Variants in NXN observed in about 807,000 individuals in gnomAD.
The protein encoded by NXN is nucleoredoxin 1.
Under a neutral mutation model 48.6 loss-of-function variants are expected in NXN, and 16 were observed. The observed-to-expected ratio is 0.33, with a 90% CI of 0.22 to 0.50. The LOEUF (loss-of-function observed/expected upper bound fraction) is 0.50, where lower values mean the gene tolerates loss of function less well. Among genes scored for constraint, NXN ranks in the 20% least tolerant of loss-of-function variants. The pLI is 0.98. For synonymous variants in NXN, 281 were observed against 269.6 expected (o/e 1.04, Z -0.41); for missense variants, 492 against 605.5 (o/e 0.81, Z 1.97).
chr17:831,448 TATTTATTC>T (rs1438137098), intron 1 of NXN, among the ~76,000 whole-genome samples: 5 of 122,868 alleles, frequency 4.1e-5, no homozygotes, highest in Non-Finnish European at 6.7e-5. Flanking sequence ...GGGCCGACTT[TATTTATTC>T]ATTTATTTAT....
chr17:826,239 G>A (rs1048791058), intron 1 of NXN, among the ~76,000 whole-genome samples, 161 bp from the exon 2 acceptor site: 3 of 152,036 alleles, frequency 2.0e-5, no homozygotes, highest in Non-Finnish European at 4.4e-5. Context: ...AAAGGGGCAC[G>A]TTAACTACAA....
At chr17:885,720 C>A (rs1356104973) in intron 1 of NXN, among the ~76,000 whole-genome samples, 2 of 133,082 alleles carry the variant, frequency 1.5e-5, no homozygotes, top group South Asian at 2.6e-4. Context: ...TCGCTCTGTC[C>A]CCCAGGCTGG....
At chr17:823,513 G>T (rs578084068) in intron 3 of NXN, 119 bp downstream of exon 3, 1 of 1,144,256 alleles carries the variant, frequency 8.7e-7, no homozygotes, top group Non-Finnish European at 1.2e-6. Context: ...ACAGGAGAAG[G>T]CCAGAAGGCC....
intron 1 of NXN, among the ~76,000 whole-genome samples, chr17:909,453 C>T (rs9893779): frequency 0.18 from 27,568 of 151,698 alleles, 2,643 homozygotes; most frequent in Middle Eastern, 0.27. Flanking sequence ...CCACCGAAAA[C>T]CTGTTCTGAC....
At chr17:865,847 G>A (rs946457156) in intron 1 of NXN, among the ~76,000 whole-genome samples, 1 of 152,066 alleles carries the variant, frequency 6.6e-6, no homozygotes, top group Non-Finnish European at 1.5e-5. Flanking sequence ...GCCGAGCGTG[G>A]TAGCACATGC....
intron 5 of NXN, among the ~76,000 whole-genome samples, chr17:810,908 A>C (rs778636365): frequency 6.6e-6 from 1 of 152,194 alleles, no homozygotes; most frequent in Non-Finnish European, 1.5e-5. Context: ...AAATTAGACA[A>C]AACACATAAA....
chr17:810,996 T>G (rs535395532), intron 5 of NXN, among the ~76,000 whole-genome samples: 1 of 152,176 alleles, frequency 6.6e-6, no homozygotes, highest in Non-Finnish European at 1.5e-5. Context: ...AAATGTTTCA[T>G]TTTTATATAA....
intron 1 of NXN, among the ~76,000 whole-genome samples, chr17:904,096 T>A (rs561148717): frequency 6.6e-6 from 1 of 152,216 alleles, no homozygotes; most frequent in Non-Finnish European, 1.5e-5. Flanking sequence ...CATGTAGAAT[T>A]CCTGCCAAGA....
chr17:942,347 T>C (rs376069611), intron 1 of NXN, among the ~76,000 whole-genome samples: 115 of 21,318 alleles, frequency 5.4e-3, no homozygotes, highest in African/African-American at 0.016. Flanking sequence ...GATTCCAGGG[T>C]GCAGCCATGA....
chr17:862,179 G>A (rs1287330814), intron 1 of NXN, among the ~76,000 whole-genome samples: 2 of 152,086 alleles, frequency 1.3e-5, no homozygotes, highest in African/African-American at 4.8e-5. Flanking sequence ...TGTAGAAGGA[G>A]TGACAATTTA....
chr17:826,106 G>A (rs1401112555), intron 1 of NXN, 28 bp from the exon 2 acceptor site: 10 of 1,477,152 alleles, frequency 6.8e-6, no homozygotes, highest in Non-Finnish European at 7.6e-6. Flanking sequence ...AAAGAAGGTG[G>A]TTAAGTCCAA....
chr17:950,318 T>C (rs2069094746), intron 1 of NXN, among the ~76,000 whole-genome samples: 2 of 151,464 alleles, frequency 1.3e-5, no homozygotes, highest in African/African-American at 4.9e-5. Flanking sequence ...GGGAAGGGAG[T>C]GGGTACAGAG....
At chr17:860,602 C>G (rs2068030627) in intron 1 of NXN, among the ~76,000 whole-genome samples, 1 of 149,928 alleles carries the variant, frequency 6.7e-6, no homozygotes, top group Non-Finnish European at 1.5e-5. Flanking sequence ...CCATCCTGGC[C>G]AGGCTGGTCT....
intron 6 of NXN, among the ~76,000 whole-genome samples, chr17:804,822 C>A (rs764173032): frequency 6.6e-6 from 1 of 152,216 alleles, no homozygotes; most frequent in African/African-American, 2.4e-5. Context: ...ATCCTCCCGG[C>A]CTGACCTATT....
intron 1 of NXN, among the ~76,000 whole-genome samples, chr17:972,848 G>A (rs866261084): frequency 5.3e-5 from 8 of 152,088 alleles, no homozygotes; most frequent in African/African-American, 1.9e-4. Context: ...TGGCTAACAC[G>A]GTGAAACCCC....
intron 1 of NXN, among the ~76,000 whole-genome samples, chr17:954,659 C>G (rs2150621554): frequency 6.6e-6 from 1 of 152,354 alleles, no homozygotes; most frequent in Admixed American, 6.5e-5. Flanking sequence ...GCAGCTGTCC[C>G]TCAACACCAC....
intron 5 of NXN, among the ~76,000 whole-genome samples, chr17:812,816 GT>G (rs1912196888): frequency 6.6e-6 from 1 of 151,032 alleles, no homozygotes; most frequent in African/African-American, 2.4e-5. Context: ...GTGTAGGTGT[GT>G]GTGCGAGTGT....
chr17:868,446 C>G (rs1215821631), intron 1 of NXN, among the ~76,000 whole-genome samples: 2 of 152,156 alleles, frequency 1.3e-5, no homozygotes, highest in Admixed American at 6.5e-5. Flanking sequence ...TCCCCAAGCA[C>G]AGAAACTACC....
At position 800,585 on chromosome 17, in the gene NXN, CGTCAGA is replaced by C. The variant is rs543379119; in HGVS notation, c.*358_*363del. On this transcript the variant is annotated 3_prime_UTR_variant, in exon 8 of 8. Coordinates refer to ENST00000336868, the MANE Select transcript of NXN (RefSeq NM_022463.5). Reference sequence around the variant, plus strand: ...GGCCGTCCGGGGCCGTGTGTGCCGACGTCAGAGTCAGAGCCCGAGCGGGACCCACCG... The same window carrying C: ...GGCCGTCCGGGGCCGTGTGTGCCGACGTCAGAGCCCGAGCGGGACCCACCG... The C allele has an allele frequency of 1.3e-4, 22 of 165,876 alleles. No individual in the cohort carries two copies. In the East Asian group the frequency reaches 2.9e-3, roughly 22 times the overall value. 10.3% of individuals were successfully genotyped at this position (165,876 alleles called of 1,614,324 possible). A position where few individuals can be genotyped will look rare whatever the true frequency, so the allele number is the denominator to read the frequency against.
Sources: allele counts gnomAD v4.1 joint callset (sites outside exome capture counted in the v4.1 genomes callset), GRCh38; gene constraint gnomAD v4.1.1; transcripts MANE v1.5; gene names NCBI Gene and HGNC (gene_info 2026-07-23, HGNC 2026-07-21).